The following SPINT2 variants were observed in gnomAD, a reference collection of about 807,000 sequenced individuals.
The protein encoded by SPINT2 is kunitz-type protease inhibitor 2.
Under a neutral mutation model 30.1 loss-of-function variants are expected in SPINT2, and 18 were observed. The observed-to-expected ratio is 0.60, with a 90% CI of 0.41 to 0.89. The LOEUF (loss-of-function observed/expected upper bound fraction) is 0.89, where lower values mean the gene tolerates loss of function less well. SPINT2 is among the 40% of genes least tolerant of loss of function. The probability of loss-of-function intolerance (pLI) is 0.00; values close to 1 mark genes in which losing one functional copy is unlikely to be tolerated. For synonymous variants in SPINT2, 139 were observed against 137.9 expected, an observed-to-expected ratio of 1.01 and a Z score of -0.05; for missense variants, 276 against 334.3, an observed-to-expected ratio of 0.83 and a Z score of 1.36.
rs377025965 is a variant in SPINT2, at chr19:38,281,436, G to C, written c.107-2191G>C. ...TCAAAAACAATTATATAGGCCGGGC[G>C]CGGTGGCTCATACCTGTAATCCCAA... is the stretch of plus-strand genomic sequence containing the variant. On this transcript the variant is annotated intron_variant, in intron 1 of 6. Transcript: ENST00000301244. 5.3e-4 allele frequency among the ~76,000 whole-genome samples: 81 copies of C among 152,058 alleles called. 1 individual carries two copies. Among genetic ancestry groups the C allele is most frequent in the African/African-American group, 1.9e-3 (77 of 41,462 alleles).
intron 2 of SPINT2, among the ~76,000 whole-genome samples, chr19:38,286,561 A>G (rs1361732845): frequency 6.6e-6 from 1 of 152,142 alleles, no homozygotes; most frequent in African/African-American, 2.4e-5. Flanking sequence ...TGGGCAGACC[A>G]AGAGGTCAGG....
At position 38,289,846 on chromosome 19, in the gene SPINT2, G is replaced by T. The variant is rs1280656750; in HGVS notation, c.392-273G>T. On this transcript the variant is annotated intron_variant, in intron 4 of 6. Coordinates refer to ENST00000301244, the MANE Select transcript of SPINT2 (RefSeq NM_021102.4). ...CCCATGTATAAAATGAAGGGTCCCA[G>T]ATAGGTCTCATAGAGACTCAGCCAC... 1.6e-5 allele frequency: 8 copies of T among 514,364 alleles called. No individual in the cohort carries two copies. The East Asian group carries it at 2.2e-4, about 14-fold the overall frequency. 31.9% of individuals were successfully genotyped at this position (514,364 alleles called of 1,614,324 possible). A position where few individuals can be genotyped will look rare whatever the true frequency, so the allele number is the denominator to read the frequency against.
In SPINT2 at chr19:38,290,898, G is replaced by A; in HGVS notation, c.592+323G>A. 2.2e-6 allele frequency: 1 copy of A among 463,690 alleles called. No individual in the cohort carries two copies. The highest frequency in any genetic ancestry group is 4.0e-6 in the Non-Finnish European group (1 of 249,914). The allele number at this position is 463,690 out of a possible 1,614,324, so 28.7% of individuals were successfully genotyped here. A position where few individuals can be genotyped will look rare whatever the true frequency, so the allele number is the denominator to read the frequency against. ...TGAGGTGTGGAGGGAGCGCTGCTAT[G>A]TGGGGCATAAGAGTTGGTCACGGGT... On this transcript the variant is annotated intron_variant, in intron 6 of 6. Coordinates refer to ENST00000301244, the MANE Select transcript of SPINT2 (RefSeq NM_021102.4). This position sits in a 1 kb window ranked among gnomAD's most constrained non-coding sequence, Gnocchi z 4.3.
chr19:38,269,607 C>CTTTT (rs1189751582), intron 1 of SPINT2, among the ~76,000 whole-genome samples: 6 of 106,162 alleles, frequency 5.7e-5, no homozygotes, highest in African/African-American at 7.2e-5. Context: ...GATTTCTTTT[C>CTTTT]TTTTTTTTTT....
chr19:38,289,438 T>C (rs1313357052), intron 4 of SPINT2: 2 of 348,582 alleles, frequency 5.7e-6, no homozygotes, highest in Non-Finnish European at 5.4e-6. Flanking sequence ...TGAGCCAAGA[T>C]TGCGCCACTG....
intron 1 of SPINT2, among the ~76,000 whole-genome samples, chr19:38,271,599 C>G (rs1203673274): frequency 6.7e-6 from 1 of 150,162 alleles, no homozygotes; most frequent in African/African-American, 2.5e-5. Context: ...TTTGGGAGGC[C>G]GAGGTGGGTG....
rs547411140 is a variant in SPINT2, at chr19:38,269,799, C to T, written c.106+4801C>T. ...TAATTTTTTGTATTTTTAGTAGAGA[C>T]GGGGTTTCACCGTGTTAGCCAGGAT... On this transcript the variant is annotated intron_variant, in intron 1 of 6. Coordinates refer to ENST00000301244, the MANE Select transcript of SPINT2 (RefSeq NM_021102.4). Among the ~76,000 whole-genome samples the T allele has an allele frequency of 4.3e-4, 43 of 98,912 alleles. 1 individual carries two copies. The highest frequency in any genetic ancestry group is 6.5e-4 in the Non-Finnish European group (32 of 49,182). The allele number at this position is 98,912 out of a possible 152,430, so 64.9% of individuals were successfully genotyped here. A position where few individuals can be genotyped will look rare whatever the true frequency, so the allele number is the denominator to read the frequency against.
chr19:38,269,598 A>AT (rs1217392499), intron 1 of SPINT2, among the ~76,000 whole-genome samples: 1 of 112,770 alleles, frequency 8.9e-6, no homozygotes, highest in Non-Finnish European at 1.8e-5. Flanking sequence ...TTGAGATGGG[A>AT]TTTCTTTTCT....
At position 38,282,418 on chromosome 19, in the gene SPINT2, G is replaced by T. The variant is rs540666434; in HGVS notation, c.107-1209G>T. On this transcript the variant is annotated intron_variant, in intron 1 of 6. Coordinates refer to ENST00000301244, the MANE Select transcript of SPINT2 (RefSeq NM_021102.4). ...GGGTGAAGGCCAGGGTTAGGGAGGG[G>T]TGATAACCGTGATACAGGAGCAGAC... Among the ~76,000 whole-genome samples, 7 of 152,300 alleles carry T rather than the reference G, an allele frequency of 4.6e-5. No homozygotes were observed. The East Asian group carries it at 1.3e-3, about 29-fold the overall frequency.
intron 1 of SPINT2, among the ~76,000 whole-genome samples, chr19:38,268,766 C>CGCGCGCGTGTGTGTGTGTGTGT (rs375982086): frequency 2.0e-5 from 3 of 149,818 alleles, no homozygotes; most frequent in African/African-American, 4.9e-5. Flanking sequence ...TGCGCGCGCG[C>CGCGCGCGTGTGTGTGTGTGTGT]GTGTGTGTGT....
At chr19:38,266,914 C>G (rs376572953) in intron 1 of SPINT2, among the ~76,000 whole-genome samples, 1 of 152,144 alleles carries the variant, frequency 6.6e-6, no homozygotes, top group East Asian at 1.9e-4. Flanking sequence ...GGATGTACCT[C>G]CCAGTTACCT....
chr19:38,282,539 GTT>G (rs1476175406), intron 1 of SPINT2, among the ~76,000 whole-genome samples: 1 of 152,220 alleles, frequency 6.6e-6, no homozygotes, highest in African/African-American at 2.4e-5. Flanking sequence ...TCTAGCAATT[GTT>G]TCTCTCTCCC....
At chr19:38,269,258 C>T (rs1014761793) in intron 1 of SPINT2, among the ~76,000 whole-genome samples, 7 of 151,874 alleles carry the variant, frequency 4.6e-5, no homozygotes, top group African/African-American at 7.3e-5. Context: ...CCACCACGCC[C>T]GGCTAATTTT....
chr19:38,290,977 C>T lies in SPINT2; in HGVS notation c.592+402C>T, dbSNP rs964631886. The stretch of plus-strand genomic sequence containing the variant: ...GTTTCCCAACACAGTCTGGTCTGAG[C>T]GGGAGGCCAGGCCTCTGGCCTGTGT... On this transcript the variant is annotated intron_variant, in intron 6 of 6. Coordinates refer to ENST00000301244, the MANE Select transcript of SPINT2 (RefSeq NM_021102.4). This position sits in a 1 kb window ranked among gnomAD's most constrained non-coding sequence, Gnocchi z 4.3. 8 of 318,004 alleles carry T rather than the reference C, an allele frequency of 2.5e-5. No individual in the cohort carries two copies. The highest frequency in any genetic ancestry group is 4.3e-5 in the Non-Finnish European group (7 of 164,254). The allele number at this position is 318,004 out of a possible 1,614,324, so 19.7% of individuals were successfully genotyped here.
At chr19:38,284,604 G>A (rs920705790) in intron 2 of SPINT2, among the ~76,000 whole-genome samples, 1 of 152,164 alleles carries the variant, frequency 6.6e-6, no homozygotes, top group African/African-American at 2.4e-5. Flanking sequence ...CAGAGCTGGG[G>A]CCAGCGTGAC....
intron 2 of SPINT2, 120 bp downstream of exon 2, chr19:38,283,917 C>G: frequency 8.3e-7 from 1 of 1,203,004 alleles, no homozygotes; most frequent in Non-Finnish European, 1.1e-6. Context: ...TCTTGGCTCA[C>G]TGCAAGCTCC....
chr19:38,289,286 A>G, intron 4 of SPINT2, 95 bp downstream of exon 4: 2 of 1,058,660 alleles, frequency 1.9e-6, no homozygotes, highest in Non-Finnish European at 2.9e-6. Context: ...CAGGATATCA[A>G]GACCATCCTA....
chr19:38,274,204 T>TG (rs1190988998), intron 1 of SPINT2, among the ~76,000 whole-genome samples: 17 of 150,502 alleles, frequency 1.1e-4, no homozygotes, highest in Non-Finnish European at 1.8e-4. Context: ...CCAGCCTGGG[T>TG]GACAGGGCAA....
At chr19:38,281,140 T>A (rs1968576915) in intron 1 of SPINT2, among the ~76,000 whole-genome samples, 1 of 152,178 alleles carries the variant, frequency 6.6e-6, no homozygotes, top group Non-Finnish European at 1.5e-5. Flanking sequence ...CCAGAGGACC[T>A]CCTCCTGCTG....
Sources: allele counts gnomAD v4.1 joint callset (sites outside exome capture counted in the v4.1 genomes callset), GRCh38; gene constraint gnomAD v4.1.1; non-coding constraint Gnocchi (gnomAD v3.1); transcripts MANE v1.5; gene names NCBI Gene and HGNC (gene_info 2026-07-23, HGNC 2026-07-21).